Variants in EDA observed in about 807,000 individuals in gnomAD.
The protein encoded by EDA is ectodysplasin A.
A neutral mutation model predicts 23.6 loss-of-function variants in EDA; 2 were observed. That is an observed-to-expected ratio of 0.08 (90% CI 0.03 to 0.27). The LOEUF is 0.27. Among genes scored for constraint, EDA ranks in the 10% least tolerant of loss-of-function variants. EDA has a pLI of 1.00. For synonymous variants in EDA, 131 were observed against 132.0 expected, an observed-to-expected ratio of 0.99 and a Z score of 0.05; for missense variants, 229 against 324.2, an observed-to-expected ratio of 0.71 and a Z score of 2.26.
At chrX:69,775,040 A>G (rs776544202) in intron 1 of EDA, among the ~76,000 whole-genome samples, 1 of 111,948 alleles carries the variant, frequency 8.9e-6, no homozygotes, top group East Asian at 2.8e-4. Flanking sequence ...TGAACCTTTA[A>G]AAAATCATTA....
At chrX:69,749,032 C>T (rs776933207) in intron 1 of EDA, among the ~76,000 whole-genome samples, 181 of 98,238 alleles carry the variant, frequency 1.8e-3, no homozygotes, top group African/African-American at 6.2e-3. Context: ...TGGTGCGCTG[C>T]ACCCACTAAC....
intron 1 of EDA, among the ~76,000 whole-genome samples, chrX:69,680,691 C>G (rs1602287377): frequency 1.3e-5 from 1 of 74,384 alleles, no homozygotes; most frequent in Non-Finnish European, 2.4e-5. Context: ...TTCCTCCATC[C>G]TTTTATTTTG....
At chrX:69,753,750 G>C (rs1265760431) in intron 1 of EDA, among the ~76,000 whole-genome samples, 1 of 111,538 alleles carries the variant, frequency 9.0e-6, no homozygotes. Context: ...TTATGAATCT[G>C]GGTGCTCCTG....
intron 1 of EDA, among the ~76,000 whole-genome samples, chrX:69,822,987 A>G (rs1376039012): frequency 1.0e-5 from 1 of 99,592 alleles, no homozygotes; most frequent in Non-Finnish European, 2.0e-5. Context: ...GAGAATGATG[A>G]TTTCCAATTT....
intron 1 of EDA, among the ~76,000 whole-genome samples, chrX:69,807,000 G>T (rs1040630171): frequency 1.8e-5 from 2 of 111,010 alleles, no homozygotes; most frequent in Non-Finnish European, 3.8e-5. Flanking sequence ...TTATGAAAAA[G>T]AAATGACTCG....
chrX:69,964,272 T>C (rs1209366280), intron 2 of EDA, among the ~76,000 whole-genome samples: 1 of 111,410 alleles, frequency 9.0e-6, no homozygotes, highest in Non-Finnish European at 1.9e-5. Flanking sequence ...AACTGGATTG[T>C]AAGAGATCCA....
intron 2 of EDA, among the ~76,000 whole-genome samples, chrX:69,973,503 G>A (rs2019275616): frequency 9.0e-6 from 1 of 111,464 alleles, no homozygotes; most frequent in Non-Finnish European, 1.9e-5. Context: ...GCCTTCACAA[G>A]CAGCTCCACT....
intron 1 of EDA, among the ~76,000 whole-genome samples, chrX:69,942,888 T>C (rs2018782068): frequency 9.0e-6 from 1 of 110,818 alleles, no homozygotes; most frequent in Non-Finnish European, 1.9e-5. Flanking sequence ...TTTGTATTCT[T>C]TTTTCTTTTG....
intron 1 of EDA, among the ~76,000 whole-genome samples, chrX:69,806,438 G>A (rs1307591620): frequency 1.8e-5 from 2 of 110,525 alleles, no homozygotes; most frequent in Admixed American, 1.9e-4. Context: ...GTATTTAGTT[G>A]GCAGTACATA....
chrX:69,712,744 G>A (rs2012121619), intron 1 of EDA, among the ~76,000 whole-genome samples: 1 of 111,382 alleles, frequency 9.0e-6, no homozygotes, highest in Admixed American at 9.6e-5. Flanking sequence ...CCATGCTGCT[G>A]TAAAGACACA....
chrX:69,754,871 A>G (rs909156082), intron 1 of EDA, among the ~76,000 whole-genome samples: 3 of 112,140 alleles, frequency 2.7e-5, no homozygotes, highest in Non-Finnish European at 3.8e-5. Flanking sequence ...TGCATGCATC[A>G]TGTAGTTCTC....
intron 1 of EDA, among the ~76,000 whole-genome samples, chrX:69,924,863 T>C (rs1173024280): frequency 9.0e-6 from 1 of 111,725 alleles, no homozygotes; most frequent in East Asian, 2.8e-4. Flanking sequence ...GAAGAGGTCC[T>C]TCAAATCCCT....
chrX:69,646,260 G>C (rs1007223911), intron 1 of EDA, among the ~76,000 whole-genome samples: 1 of 111,396 alleles, frequency 9.0e-6, no homozygotes, highest in African/African-American at 3.3e-5. Context: ...TTGATGATCT[G>C]TCTAATATTG....
intron 1 of EDA, among the ~76,000 whole-genome samples, chrX:69,771,368 G>A (rs2014635080): frequency 9.0e-6 from 1 of 111,433 alleles, no homozygotes; most frequent in Non-Finnish European, 1.9e-5. Flanking sequence ...AAGAAAGGAA[G>A]TATTTTTATA....
At chrX:69,705,843 A>G in intron 1 of EDA, among the ~76,000 whole-genome samples, 2 of 112,383 alleles carry the variant, frequency 1.8e-5, no homozygotes, top group Middle Eastern at 9.1e-3. Context: ...AGGTAAAACA[A>G]GGTACAAAAT....
chrX:69,880,483 G>A (rs1473865806), intron 1 of EDA, among the ~76,000 whole-genome samples: 1 of 111,800 alleles, frequency 8.9e-6, no homozygotes, highest in Non-Finnish European at 1.9e-5. Context: ...GGTGACTCAG[G>A]GGACGAAACT....
rs751883602 is a variant in EDA at position 69,745,775 on chromosome X, G to T, written c.396+129071G>T. 4.5e-5 allele frequency among the ~76,000 whole-genome samples: 5 copies of T among 111,473 alleles called. No homozygotes were observed. In the East Asian group the frequency reaches 1.1e-3, roughly 25 times the overall value. On this transcript the variant is annotated intron_variant, in intron 1 of 7. Transcript: ENST00000374552. ...GGCCAAGGTGGGCAGATCACCAGAG[G>T]TCAGGGGTTTGAGACCAGCCTAGCC...
intron 1 of EDA, among the ~76,000 whole-genome samples, chrX:69,805,909 G>C (rs1366674216): frequency 8.9e-6 from 1 of 111,735 alleles, no homozygotes; most frequent in Admixed American, 9.5e-5. Flanking sequence ...TGAATTTTAA[G>C]ATGAACTAAC....
chrX:69,663,271 C>T (rs779189093), intron 1 of EDA, among the ~76,000 whole-genome samples: 18 of 111,901 alleles, frequency 1.6e-4, no homozygotes, highest in Non-Finnish European at 3.0e-4. Flanking sequence ...AAATTGGTTT[C>T]GTGAGCCTGG....
Sources: gnomAD v4.1 joint callset for allele counts (sites outside exome capture counted in the v4.1 genomes callset) on GRCh38, gnomAD v4.1.1 for gene constraint, MANE v1.5 for transcripts, NCBI Gene and HGNC (gene_info 2026-07-23, HGNC 2026-07-21) for gene names.